The following ABL2 variants were observed in gnomAD, a reference collection of about 807,000 sequenced individuals.
ABL2 encodes ABL proto-oncogene 2, non-receptor tyrosine kinase, also known as tyrosine-protein kinase ABL2.
A neutral mutation model predicts 107.7 loss-of-function variants in ABL2; 49 were observed. The ratio of observed to expected loss-of-function variants is 0.45; its 90% CI spans 0.36 to 0.58. The LOEUF (loss-of-function observed/expected upper bound fraction) is 0.58. ABL2 is among the 20% of genes least tolerant of loss of function. ABL2 has a pLI of 0.00. For synonymous variants in ABL2, 549 were observed against 548.6 expected (o/e 1.00, Z -0.01); for missense variants, 1,245 against 1,457.0 (o/e 0.85, Z 2.37).
intron 1 of ABL2, 33 bp downstream of exon 1, chr1:179,229,208 C>CCCCCCCCCCCACCA: frequency 6.7e-7 from 1 of 1,488,056 alleles, no homozygotes; most frequent in Non-Finnish European, 9.0e-7. Flanking sequence ...CGGCCTCCCC[C>CCCCCCCCCCCACCA]ACGCTCTCAT....
At position 179,166,776 on chromosome 1, in the gene ABL2, CAAA is replaced by C. The variant is rs34173352; in HGVS notation, c.158-33405_158-33403del. ...TTGGTGACAGAACAAGACTTCATCT[CAAA>C]AAAAAAAAAAAAAAAGAAAAAATGT... On this transcript the variant is annotated intron_variant, in intron 1 of 11. Coordinates refer to ENST00000502732, the MANE Select transcript of ABL2 (RefSeq NM_007314.4). Among the ~76,000 whole-genome samples, 6 of 75,374 alleles carry C rather than the reference CAAA, an allele frequency of 8.0e-5. No homozygotes were observed. In the East Asian group the frequency reaches 1.7e-3, roughly 21 times the overall value. 49.4% of individuals were successfully genotyped at this position (75,374 alleles called of 152,430 possible).
chr1:179,113,177 C>T (rs1654269704), intron 9 of ABL2, among the ~76,000 whole-genome samples: 1 of 152,112 alleles, frequency 6.6e-6, no homozygotes, highest in African/African-American at 2.4e-5. Flanking sequence ...GCCTCCCAAA[C>T]TGCTAGAATT....
At chr1:179,224,852 C>CA (rs34472235) in intron 1 of ABL2, among the ~76,000 whole-genome samples, 1,365 of 64,900 alleles carry the variant, frequency 0.021, 13 homozygotes, top group African/African-American at 0.054. Flanking sequence ...TCCGTCTCTA[C>CA]AAAAAAAAAA....
chr1:179,127,214 A>G (rs1425019517), intron 3 of ABL2, among the ~76,000 whole-genome samples: 7 of 152,248 alleles, frequency 4.6e-5, no homozygotes, highest in Non-Finnish European at 8.8e-5. Flanking sequence ...ACAAACAAAA[A>G]AAAACACGGA....
chr1:179,099,411 C>G lies in ABL2; in HGVS notation c.*8307G>C, dbSNP rs533037627. On this transcript the variant is annotated 3_prime_UTR_variant, in exon 12 of 12. Coordinates refer to ENST00000502732, the MANE Select transcript of ABL2 (RefSeq NM_007314.4). ...TGTGAGAAGACAGAGAAAGCAGTCC[C>G]TTTCAAGGGCCTCATTTATTTACAT... 2 of 211,472 alleles carry G rather than the reference C, an allele frequency of 9.5e-6. No homozygotes were observed. Among genetic ancestry groups the G allele is most frequent in the Non-Finnish European group, 1.9e-5 (2 of 104,342 alleles). The allele number at this position is 211,472 out of a possible 1,614,324, so 13.1% of individuals were successfully genotyped here.
intron 1 of ABL2, among the ~76,000 whole-genome samples, chr1:179,202,531 C>G (rs1416748916): frequency 6.6e-6 from 1 of 152,138 alleles, no homozygotes; most frequent in Non-Finnish European, 1.5e-5. Flanking sequence ...AGGAAAGGAG[C>G]CTAAATACCT....
chr1:179,143,006 A>G (rs1326680522), intron 1 of ABL2: 31 of 1,614,132 alleles, frequency 1.9e-5, no homozygotes, highest in African/African-American at 4.0e-5. Context: ...GATCTCTGCC[A>G]TAACTATTAG....
At chr1:179,199,522 T>G (rs1449055117) in intron 1 of ABL2, among the ~76,000 whole-genome samples, 3 of 152,158 alleles carry the variant, frequency 2.0e-5, no homozygotes, top group African/African-American at 7.2e-5. Flanking sequence ...TCTCTACATC[T>G]TCACAGCACA....
chr1:179,207,769 A>G (rs931743503), intron 1 of ABL2, among the ~76,000 whole-genome samples: 17 of 152,298 alleles, frequency 1.1e-4, no homozygotes, highest in African/African-American at 3.8e-4. Flanking sequence ...AGCTACCAAA[A>G]TCAGAAATTT....
chr1:179,175,380 G>C (rs1659983800), intron 1 of ABL2, among the ~76,000 whole-genome samples: 1 of 152,098 alleles, frequency 6.6e-6, no homozygotes, highest in South Asian at 2.1e-4. Context: ...CTTTTCCCTG[G>C]TCCCCTTGAA....
chr1:179,228,791 C>G (rs1663375053), intron 1 of ABL2, among the ~76,000 whole-genome samples: 1 of 152,192 alleles, frequency 6.6e-6, no homozygotes, highest in Admixed American at 6.5e-5. Context: ...AAACACATAC[C>G]TTGTACTCCA....
At chr1:179,128,977 G>A (rs1046175170) in intron 3 of ABL2, among the ~76,000 whole-genome samples, 1 of 151,816 alleles carries the variant, frequency 6.6e-6, no homozygotes, top group African/African-American at 2.4e-5. Flanking sequence ...GAGCCACTGC[G>A]CTTGGCTGGT....
intron 1 of ABL2, among the ~76,000 whole-genome samples, chr1:179,183,182 G>C (rs1490431017): frequency 6.6e-6 from 1 of 151,960 alleles, no homozygotes; most frequent in Non-Finnish European, 1.5e-5. Context: ...TAAATAATGT[G>C]TACACATGGA....
Position 179,106,334 on chromosome 1 carries a change from T to A in ABL2, c.*1384A>T. ...CTATTTTTCAAGGGCAAAACATATT[T>A]AAGGATTAAGTCATTAGGTTCCCAG... On this transcript the variant is annotated 3_prime_UTR_variant, in exon 12 of 12. Transcript: ENST00000502732. 1 of 230,796 alleles carries A rather than the reference T, an allele frequency of 4.3e-6. No homozygotes were observed. Among genetic ancestry groups the A allele is most frequent in the Middle Eastern group, 1.3e-3 (1 of 772 alleles). 14.3% of individuals were successfully genotyped at this position (230,796 alleles called of 1,614,324 possible).
In ABL2 at chr1:179,100,461, T is replaced by C. The variant is rs1339691103; in HGVS notation, c.*7257A>G. The C allele has an allele frequency of 4.4e-6, 1 of 227,050 alleles. No homozygotes were observed. The highest frequency in any genetic ancestry group is 2.2e-5 in the African/African-American group (1 of 45,052). 14.1% of individuals were successfully genotyped at this position (227,050 alleles called of 1,614,324 possible). On this transcript the variant is annotated 3_prime_UTR_variant, in exon 12 of 12. Transcript: ENST00000502732. ...TTTATTGTGTCATAATTGCTGAAAA[T>C]TAAGTATACATATATGTGAAAATTT...
In ABL2 at chr1:179,110,402, G is replaced by C. The variant is rs1193698564; in HGVS notation, c.1705C>G (p.Leu569Val). 6.2e-7 allele frequency: 1 copy of C among 1,614,190 alleles called. No individual in the cohort carries two copies. The highest frequency in any genetic ancestry group is 8.5e-7 in the Non-Finnish European group (1 of 1,180,042). The change falls in exon 11 of 12, where the codon CTG becomes GTG. Residue 569 changes from leucine to valine, a missense_variant. This residue lies in a region of ABL2 where 761 missense variants were observed against 766.4 expected (regional missense o/e 0.99). Transcript: ENST00000502732. ...GAAGGAAGTATAGGTAGCCGGGGCA[G>C]GTATGGAACAACAGATGACGAGGAG... ...AASSSSVVPYLPRLPILPSKT... is the reference protein window; with the variant it reads ...AASSSSVVPYVPRLPILPSKT...
chr1:179,108,618 T>A lies in ABL2; in HGVS notation c.2649A>T (p.Gly883=). 1 of 1,611,220 alleles carries A rather than the reference T, an allele frequency of 6.2e-7. No individual in the cohort carries two copies. Among genetic ancestry groups the A allele is most frequent in the East Asian group, 2.2e-5 (1 of 44,786 alleles). Residue 883 remains glycine (G), a synonymous_variant, in exon 12 of 12, where the codon GGA becomes GGT. Coordinates refer to ENST00000502732, the MANE Select transcript of ABL2 (RefSeq NM_007314.4). ...CTTTACCCTTGGGGGCAGCTGCCACTCCAGCCACTCCCACCCCTGGAGGGT... is the reference window on the plus strand; with the variant it reads ...CTTTACCCTTGGGGGCAGCTGCCACACCAGCCACTCCCACCCCTGGAGGGT... ...EKDPPGVGVA[G]VAAAPKGKEK...
chr1:179,184,296 G>GA, intron 1 of ABL2: 2 of 540,208 alleles, frequency 3.7e-6, no homozygotes, highest in Non-Finnish European at 6.8e-6. Flanking sequence ...TATCTTCAAC[G>GA]AATTTCATTT....
At chr1:179,162,298 C>A (rs1239060191) in intron 1 of ABL2, among the ~76,000 whole-genome samples, 1 of 152,100 alleles carries the variant, frequency 6.6e-6, no homozygotes, top group African/African-American at 2.4e-5. Context: ...AGAAACCATC[C>A]AAAAGATAGC....
Sources: allele counts gnomAD v4.1 joint callset (sites outside exome capture counted in the v4.1 genomes callset), GRCh38; gene constraint gnomAD v4.1.1; regional missense constraint gnomAD v4.1.1; transcripts MANE v1.5; gene names NCBI Gene and HGNC (gene_info 2026-07-23, HGNC 2026-07-21).